The following RBM44 variants were observed in gnomAD, a reference collection of about 807,000 sequenced individuals.
The protein encoded by RBM44 is RNA-binding protein 44.
RBM44 carries 66 observed loss-of-function variants against 105.1 expected under a neutral mutation model. The ratio of observed to expected loss-of-function variants is 0.63; its 90% CI spans 0.52 to 0.77. The LOEUF (loss-of-function observed/expected upper bound fraction) is 0.77. RBM44 is among the 30% of genes least tolerant of loss of function. The probability of loss-of-function intolerance (pLI) is 0.00; values close to 1 mark genes in which losing one functional copy is unlikely to be tolerated. For synonymous variants in RBM44, 365 were observed against 417.6 expected (o/e 0.87, Z 1.54); for missense variants, 1,122 against 1,207.8 (o/e 0.93, Z 1.05).
chr2:237,818,604 C>A lies in RBM44; in HGVS notation c.1677+8C>A, dbSNP rs1480985408. The A allele has an allele frequency of 1.4e-6, 2 of 1,468,024 alleles. No individual in the cohort carries two copies. Among genetic ancestry groups the A allele is most frequent in the South Asian group, 1.4e-5 (1 of 70,326 alleles). 90.9% of individuals were successfully genotyped at this position (1,468,024 alleles called of 1,614,324 possible). On this transcript the variant is annotated splice_region_variant and intron_variant, in intron 3 of 15. Coordinates refer to ENST00000316997, the MANE Select transcript of RBM44 (RefSeq NM_001080504.3). The surrounding 1 kb of genome is among the most constrained non-coding windows in gnomAD (Gnocchi z 4.6). ...GGAAATTTTCTAAATAAGGTAAAAT[C>A]AATATGAGTAATAATAAAATTTGGA...
Position 237,817,536 on chromosome 2 carries a change from CA to C in RBM44, c.621del (p.Ala208HisfsTer2). On this transcript the variant is annotated frameshift_variant, in exon 3 of 16. Transcript: ENST00000316997. LOFTEE classifies it high-confidence loss of function. Reference sequence around the variant, plus strand: ...AGTAACCATTTATCTTTTGACCAAACAAAAGCATTAGATATATCTAATCCAG... The same window carrying C: ...AGTAACCATTTATCTTTTGACCAAACAAAGCATTAGATATATCTAATCCAG... ...YISNHLSFDQTKALDISNPEV... is the reference protein window; with the variant it reads ...YISNHLSFDQXKALDISNPEV... The C allele has an allele frequency of 1.2e-6, 2 of 1,610,864 alleles. No homozygotes were observed. Among genetic ancestry groups the C allele is most frequent in the Non-Finnish European group, 8.5e-7 (1 of 1,178,364 alleles).
rs192940449 is a variant in RBM44 at position 237,814,537 on chromosome 2, A to G, written c.73+855A>G. On this transcript the variant is annotated intron_variant, in intron 2 of 15. Coordinates refer to ENST00000316997, the MANE Select transcript of RBM44 (RefSeq NM_001080504.3). ...GTCCCCCAAAAATAAACTTAAAAAA[A>G]TCTATTGAAGAGAAGGTAAAATAAA... Among the ~76,000 whole-genome samples the G allele has an allele frequency of 2.2e-4, 34 of 152,292 alleles. No individual in the cohort carries two copies. The East Asian group carries it at 6.2e-3, about 28-fold the overall frequency.
At chr2:237,811,923 C>T (rs1054929123) in intron 1 of RBM44, among the ~76,000 whole-genome samples, 1 of 152,164 alleles carries the variant, frequency 6.6e-6, no homozygotes, top group Non-Finnish European at 1.5e-5. Flanking sequence ...AGTGCAATCT[C>T]AGCTCACTGC....
At chr2:237,801,589 A>C (rs1385673637) in intron 1 of RBM44, among the ~76,000 whole-genome samples, 1 of 152,122 alleles carries the variant, frequency 6.6e-6, no homozygotes, top group East Asian at 1.9e-4. Context: ...GGCCTCCTAA[A>C]GTGCTGGGAT....
At chr2:237,825,669 A>G (rs1242320821) in intron 10 of RBM44, among the ~76,000 whole-genome samples, 1 of 152,130 alleles carries the variant, frequency 6.6e-6, no homozygotes, top group Non-Finnish European at 1.5e-5. Flanking sequence ...TTTACTGCCT[A>G]TCTCCAGTGC....
chr2:237,821,455 A>G lies in RBM44; in HGVS notation c.2120+87A>G, dbSNP rs1241727428. 3 of 963,326 alleles carry G rather than the reference A, an allele frequency of 3.1e-6. No individual in the cohort carries two copies. The African/African-American group carries it at 5.0e-5, about 16-fold the overall frequency. The allele number at this position is 963,326 out of a possible 1,614,324, so 59.7% of individuals were successfully genotyped here. A position where few individuals can be genotyped will look rare whatever the true frequency, so the allele number is the denominator to read the frequency against. On this transcript the variant is annotated intron_variant, in intron 7 of 15. Transcript: ENST00000316997. ...AACTTTAAACTTTGTTTTGTTCCCT[A>G]TTTAGAACATTGATAAATGTTTTAA...
chr2:237,837,221 G>T (rs73086791), intron 15 of RBM44, among the ~76,000 whole-genome samples: 4,014 of 151,998 alleles, frequency 0.026, 186 homozygotes, highest in African/African-American at 0.091. Flanking sequence ...AATTAATGGG[G>T]TTTTTTTTAT....
chr2:237,814,661 G>A (rs59875811), intron 2 of RBM44, among the ~76,000 whole-genome samples: 5,995 of 152,158 alleles, frequency 0.039, 311 homozygotes, highest in African/African-American at 0.12. Context: ...TAATAGGTTA[G>A]TGGAGTGGAA....
intron 7 of RBM44, 110 bp downstream of exon 7, chr2:237,821,478 T>A: frequency 1.2e-6 from 1 of 864,428 alleles, no homozygotes; most frequent in African/African-American, 1.7e-5. Flanking sequence ...ATAAATGTTT[T>A]AATGAAGTGT....
chr2:237,821,255 G>T lies in RBM44; in HGVS notation c.2097+1G>T. On this transcript the variant is annotated splice_donor_variant, in intron 6 of 15. Coordinates refer to ENST00000316997, the MANE Select transcript of RBM44 (RefSeq NM_001080504.3). LOFTEE classifies it high-confidence loss of function. The stretch of plus-strand genomic sequence containing the variant: ...TACCTTCTCTACTTTTGCTTCCAGG[G>T]TATGTATATATGTTTTAGAAATAAA... 6.3e-7 allele frequency: 1 copy of T among 1,588,404 alleles called. No individual in the cohort carries two copies. The highest frequency in any genetic ancestry group is 1.1e-5 in the South Asian group (1 of 87,826).
Position 237,818,187 on chromosome 2 carries a change from C to A in RBM44, c.1268C>A (p.Ala423Glu). 1 of 1,613,082 alleles carries A rather than the reference C, an allele frequency of 6.2e-7. No homozygotes were observed. Among genetic ancestry groups the A allele is most frequent in the Non-Finnish European group, 8.5e-7 (1 of 1,179,474 alleles). ...LPKIAVRDNQ[A>E]IEDNTSLKVA... Reference sequence around the variant, plus strand: ...AAGATCGCAGTCAGAGATAATCAGGCAATAGAAGATAATACGTCCCTAAAA... The same window carrying A: ...AAGATCGCAGTCAGAGATAATCAGGAAATAGAAGATAATACGTCCCTAAAA... Residue 423 changes from alanine to glutamate, a missense_variant, in exon 3 of 16, where the codon GCA (alanine) becomes GAA (glutamate). Physicochemically the swap from Ala to Glu is moderately radical, Grantham distance 107. Around this residue, in one of 3 missense-constraint regions of RBM44, gnomAD observed 918 missense variants for 955.3 expected, o/e 0.96. Coordinates refer to ENST00000316997, the MANE Select transcript of RBM44 (RefSeq NM_001080504.3). This position sits in a 1 kb window ranked among gnomAD's most constrained non-coding sequence, Gnocchi z 4.6.
At position 237,817,685 on chromosome 2, in the gene RBM44, G is replaced by C. The variant is rs1559912240; in HGVS notation, c.766G>C (p.Glu256Gln). ...SFDSLDVYGQ[E>Q]ESLHVSKFQN... ...CGATTCACTTGATGTTTATGGACAA[G>C]AAGAGTCACTTCATGTCTCCAAATT... Residue 256 changes from glutamate to glutamine, a missense_variant, in exon 3 of 16, where the codon GAA (glutamate) becomes CAA (glutamine). Coordinates refer to ENST00000316997, the MANE Select transcript of RBM44 (RefSeq NM_001080504.3). 6.2e-7 allele frequency: 1 copy of C among 1,612,682 alleles called. No individual in the cohort carries two copies. Among genetic ancestry groups the C allele is most frequent in the Non-Finnish European group, 8.5e-7 (1 of 1,179,276 alleles).
At chr2:237,826,891 C>T (rs2061853016) in intron 10 of RBM44, among the ~76,000 whole-genome samples, 1 of 152,080 alleles carries the variant, frequency 6.6e-6, no homozygotes, top group South Asian at 2.1e-4. Flanking sequence ...TGCCATTTTA[C>T]ATAAGGGACT....
chr2:237,817,561 A>G lies in RBM44; in HGVS notation c.642A>G (p.Pro214=), dbSNP rs2061733642. The change falls in exon 3 of 16, where the codon CCA becomes CCG. Residue 214 remains proline (P), a synonymous_variant. Transcript: ENST00000316997. ...DQTKALDISN[P]EVVELGNSGY... ...CAAAAGCATTAGATATATCTAATCC[A>G]GAAGTTGTTGAATTAGGAAATTCGG... The G allele has an allele frequency of 3.1e-6, 5 of 1,612,046 alleles. No individual in the cohort carries two copies. The highest frequency in any genetic ancestry group is 3.4e-6 in the Non-Finnish European group (4 of 1,178,902).
Position 237,834,050 on chromosome 2 carries a change from A to G in RBM44, c.2940A>G (p.Thr980=), listed in dbSNP as rs1164265167. 31 of 1,574,612 alleles carry G rather than the reference A, an allele frequency of 2.0e-5. No individual in the cohort carries two copies. The highest frequency in any genetic ancestry group is 2.6e-5 in the Non-Finnish European group (30 of 1,157,516). Residue 980 remains threonine, a synonymous_variant, in exon 14 of 16, where the codon ACA becomes ACG. Coordinates refer to ENST00000316997, the MANE Select transcript of RBM44 (RefSeq NM_001080504.3). The stretch of plus-strand genomic sequence containing the variant: ...AATCTGCTAAATTATTACCTGATAC[A>G]CCCGTTCAATTCATACCTCCAAATA... ...QIESAKLLPD[T]PVQFIPPNTL...
chr2:237,800,128 G>T (rs2061530562), intron 1 of RBM44, among the ~76,000 whole-genome samples: 1 of 152,116 alleles, frequency 6.6e-6, no homozygotes, highest in Admixed American at 6.5e-5. Flanking sequence ...ATTTCTCCAT[G>T]ACCTGCTCAA....
At position 237,841,563 on chromosome 2, in the gene RBM44, G is replaced by C. The variant is rs537371567; in HGVS notation, c.*23-276G>C. On this transcript the variant is annotated intron_variant, in intron 15 of 15. Transcript: ENST00000316997. This position sits in a 1 kb window ranked among gnomAD's most constrained non-coding sequence, Gnocchi z 4.5. Reference sequence around the variant, plus strand: ...ATAACGAACCTGCACATATGCCCCTGAAACTAAAACAGAAGTTTAAAATAA... The same window carrying C: ...ATAACGAACCTGCACATATGCCCCTCAAACTAAAACAGAAGTTTAAAATAA... Among the ~76,000 whole-genome samples, 10 of 152,034 alleles carry C rather than the reference G, an allele frequency of 6.6e-5. No individual in the cohort carries two copies. Among genetic ancestry groups the C allele is most frequent in the Admixed American group, 6.6e-4 (10 of 15,256 alleles).
Position 237,823,446 on chromosome 2 carries a change from TTA to T in RBM44, c.2214_2215del (p.Leu738PhefsTer3). The T allele has an allele frequency of 7.0e-7, 1 of 1,420,056 alleles. No homozygotes were observed. Among genetic ancestry groups the T allele is most frequent in the Non-Finnish European group, 9.7e-7 (1 of 1,031,462 alleles). The allele number at this position is 1,420,056 out of a possible 1,614,324, so 88.0% of individuals were successfully genotyped here. The stretch of plus-strand genomic sequence containing the variant: ...TTATTATCTTAATCCTCAGATGTCT[TTA>T]TCATCTGACAATAGTCATGCTACAC... The part of the protein sequence containing the change: ...NLKKTLSQMS[L>X]SSDNSHATQN... On this transcript the variant is annotated frameshift_variant, in exon 9 of 16. Coordinates refer to ENST00000316997, the MANE Select transcript of RBM44 (RefSeq NM_001080504.3). LOFTEE classifies it high-confidence loss of function.
intron 2 of RBM44, among the ~76,000 whole-genome samples, chr2:237,813,925 G>A (rs2061685504): frequency 6.6e-6 from 1 of 152,144 alleles, no homozygotes; most frequent in East Asian, 1.9e-4. Flanking sequence ...TGTCCAGCCA[G>A]CCTTTCAAGA....
Sources: gnomAD v4.1 joint callset for allele counts (sites outside exome capture counted in the v4.1 genomes callset) on GRCh38, gnomAD v4.1.1 for gene constraint, gnomAD v4.1.1 regional missense constraint, Gnocchi (gnomAD v3.1) non-coding constraint, MANE v1.5 for transcripts, NCBI Gene and HGNC (gene_info 2026-07-23, HGNC 2026-07-21) for gene names.